The following EXOC4 variants were observed in gnomAD, a reference collection of about 807,000 sequenced individuals.
EXOC4 encodes the protein SEC8-like 1.
EXOC4 carries 71 observed loss-of-function variants against 107.2 expected under a neutral mutation model. That is an observed-to-expected ratio of 0.66 (90% CI 0.55 to 0.81). EXOC4 has a LOEUF of 0.81. Ranked by LOEUF, EXOC4 falls within the 30% of genes least tolerant of loss-of-function variation. The pLI is 0.00. For missense variants in EXOC4, 1,108 were observed against 1,189.6 expected (o/e 0.93, Z 1.01); for synonymous variants, 456 against 441.2 (o/e 1.03, Z -0.42).
intron 5 of EXOC4, among the ~76,000 whole-genome samples, chr7:133,338,493 T>A (rs1455392508): frequency 1.1e-4 from 16 of 142,430 alleles, no homozygotes; most frequent in Non-Finnish European, 2.1e-4. Context: ...CTCGGGAGGC[T>A]GAGGCAGGAG....
chr7:133,984,568 C>A (rs1794070941), intron 14 of EXOC4, among the ~76,000 whole-genome samples: 1 of 152,138 alleles, frequency 6.6e-6, no homozygotes, highest in South Asian at 2.1e-4. Context: ...TAAAATTCAA[C>A]AAACATTATC....
intron 9 of EXOC4, among the ~76,000 whole-genome samples, chr7:133,567,543 G>A (rs577585384): frequency 1.2e-4 from 18 of 152,208 alleles, no homozygotes; most frequent in African/African-American, 3.9e-4. Flanking sequence ...TGGCAGTGGC[G>A]TTTGCAGGCC....
At chr7:133,978,093 A>G (rs930184194) in intron 14 of EXOC4, among the ~76,000 whole-genome samples, 8 of 152,118 alleles carry the variant, frequency 5.3e-5, no homozygotes, top group Admixed American at 3.9e-4. Flanking sequence ...TAGGCAGCCA[A>G]CTCTTCAACC....
At position 133,938,069 on chromosome 7, in the gene EXOC4, A is replaced by G. The variant is rs1159214491; in HGVS notation, c.2206A>G (p.Met736Val). 3 of 1,614,140 alleles carry G rather than the reference A, an allele frequency of 1.9e-6. No individual in the cohort carries two copies. In the East Asian group the frequency reaches 6.7e-5, roughly 36 times the overall value. Residue 736 changes from methionine to valine, a missense_variant and splice_region_variant, in exon 14 of 18, where the codon ATG (methionine) becomes GTG (valine). By Grantham distance (21) the Met-to-Val change is conservative. Transcript: ENST00000253861. Reference sequence around the variant, plus strand: ...TTTCTCCAATCTTTCTACATCCCAGAGTAAGTATCTAGTAGGAAGCTGTTG... The same window carrying G: ...TTTCTCCAATCTTTCTACATCCCAGGGTAAGTATCTAGTAGGAAGCTGTTG... The part of the protein sequence containing the change: ...SAFSNLSTSQ[M>V]LSPAQDSHTN...
rs545148807 is a variant in EXOC4, at chr7:133,782,139, A to G, written c.1515-35186A>G. On this transcript the variant is annotated intron_variant, in intron 10 of 17. Coordinates refer to ENST00000253861, the MANE Select transcript of EXOC4 (RefSeq NM_021807.4). ...TCTTTGAAGCTTTTGTTAAGACCATATTGGCTTCCTTAGCTCAGAGGAAGT... is the reference window on the plus strand; with the variant it reads ...TCTTTGAAGCTTTTGTTAAGACCATGTTGGCTTCCTTAGCTCAGAGGAAGT... 2.0e-5 allele frequency among the ~76,000 whole-genome samples: 3 copies of G among 152,258 alleles called. No homozygotes were observed. The South Asian group carries it at 6.2e-4, about 32-fold the overall frequency.
chr7:133,759,635 A>G (rs75472895), intron 10 of EXOC4, among the ~76,000 whole-genome samples: 2,398 of 152,282 alleles, frequency 0.016, 60 homozygotes, highest in African/African-American at 0.054. Flanking sequence ...CCCCCACTGC[A>G]TATAAAGTTG....
At chr7:133,722,788 G>A (rs1795132044) in intron 10 of EXOC4, among the ~76,000 whole-genome samples, 1 of 152,154 alleles carries the variant, frequency 6.6e-6, no homozygotes, top group Admixed American at 6.5e-5. Context: ...CTAAATTGTT[G>A]CATTTTTAAA....
intron 2 of EXOC4, among the ~76,000 whole-genome samples, chr7:133,276,675 T>G (rs148165135): frequency 0.012 from 1,828 of 152,188 alleles, 30 homozygotes; most frequent in African/African-American, 0.041. Context: ...TGGGACTGAG[T>G]GATGCATAGA....
chr7:133,492,968 C>T (rs1479119162), intron 9 of EXOC4, among the ~76,000 whole-genome samples: 4 of 62 alleles, frequency 0.065, no homozygotes, highest in African/African-American at 0.14. Context: ...GTTAGAGGTT[C>T]GGAGTGGTGG....
chr7:133,294,599 T>C (rs980236953), intron 3 of EXOC4, among the ~76,000 whole-genome samples: 14 of 152,138 alleles, frequency 9.2e-5, no homozygotes, highest in Admixed American at 8.5e-4. Context: ...TTATGATAAT[T>C]ATAATAACAA....
chr7:133,326,932 T>G (rs1434139326), intron 5 of EXOC4, among the ~76,000 whole-genome samples: 1 of 152,236 alleles, frequency 6.6e-6, no homozygotes, highest in Non-Finnish European at 1.5e-5. Context: ...CCAGCCTTGC[T>G]GCTGCCTTGC....
At chr7:133,578,514 A>G (rs1801182267) in intron 9 of EXOC4, among the ~76,000 whole-genome samples, 1 of 152,200 alleles carries the variant, frequency 6.6e-6, no homozygotes, top group Admixed American at 6.5e-5. Flanking sequence ...ATTTTAAAAT[A>G]TATATAACCC....
chr7:133,466,176 A>G (rs1798723260), intron 7 of EXOC4, among the ~76,000 whole-genome samples: 1 of 152,046 alleles, frequency 6.6e-6, no homozygotes, highest in African/African-American at 2.4e-5. Flanking sequence ...CAAAGCAAGC[A>G]GAGGTTAGGA....
intron 15 of EXOC4, 151 bp downstream of exon 15, chr7:133,997,784 A>G: frequency 2.1e-6 from 2 of 953,686 alleles, no homozygotes; most frequent in Admixed American, 2.5e-5. Flanking sequence ...AGCTGTATTC[A>G]GTGATTATTT....
chr7:134,056,011 T>G (rs1354141521), intron 17 of EXOC4, among the ~76,000 whole-genome samples: 1 of 152,156 alleles, frequency 6.6e-6, no homozygotes, highest in African/African-American at 2.4e-5. Context: ...TACTAAAAAT[T>G]GAAAAAGCCG....
intron 11 of EXOC4, among the ~76,000 whole-genome samples, chr7:133,853,505 A>G (rs1254466295): frequency 6.6e-6 from 1 of 152,136 alleles, no homozygotes; most frequent in African/African-American, 2.4e-5. Flanking sequence ...AGCTGAGACT[A>G]CAGGCATGCA....
chr7:133,605,257 T>C (rs1801912589), intron 9 of EXOC4, among the ~76,000 whole-genome samples: 1 of 152,208 alleles, frequency 6.6e-6, no homozygotes, highest in Non-Finnish European at 1.5e-5. Flanking sequence ...AAAACAAAGT[T>C]CCTGCAATCT....
intron 5 of EXOC4, among the ~76,000 whole-genome samples, chr7:133,340,552 G>A (rs1795637815): frequency 6.6e-6 from 1 of 151,708 alleles, no homozygotes; most frequent in African/African-American, 2.4e-5. Flanking sequence ...GAATGATTTA[G>A]GGAGGATTCT....
intron 7 of EXOC4, among the ~76,000 whole-genome samples, chr7:133,439,505 A>G (rs977363955): frequency 2.6e-5 from 4 of 152,076 alleles, no homozygotes; most frequent in Non-Finnish European, 4.4e-5. Context: ...GTTCTAATGT[A>G]TCATCACTTA....
Sources: allele counts gnomAD v4.1 joint callset (sites outside exome capture counted in the v4.1 genomes callset), GRCh38; gene constraint gnomAD v4.1.1; transcripts MANE v1.5; gene names NCBI Gene and HGNC (gene_info 2026-07-23, HGNC 2026-07-21).